The following GPC5 variants were observed in gnomAD, a reference collection of about 807,000 sequenced individuals.
GPC5 encodes glypican-5.
Under a neutral mutation model 53.9 loss-of-function variants are expected in GPC5, and 47 were observed. That is an observed-to-expected ratio of 0.87 (90% CI 0.69 to 1.11). GPC5 has a LOEUF of 1.11. Among genes scored for constraint, GPC5 ranks in the 50% most tolerant of loss-of-function variants. GPC5 has a pLI of 0.00. For missense variants in GPC5, 748 were observed against 713.1 expected (o/e 1.05, Z -0.56); for synonymous variants, 286 against 263.3 (o/e 1.09, Z -0.84).
intron 6 of GPC5, among the ~76,000 whole-genome samples, chr13:91,977,618 G>A (rs1411337717): frequency 1.3e-5 from 2 of 152,060 alleles, no homozygotes; most frequent in Admixed American, 1.3e-4. Flanking sequence ...GCAAAAAAGG[G>A]CATTCTAAAC....
At chr13:92,218,762 C>A (rs902149961) in intron 7 of GPC5, among the ~76,000 whole-genome samples, 10 of 152,132 alleles carry the variant, frequency 6.6e-5, no homozygotes, top group African/African-American at 2.2e-4. Flanking sequence ...TCACAGATAA[C>A]GGCTGAAGCC....
chr13:92,639,374 G>T (rs1026307928), intron 7 of GPC5, among the ~76,000 whole-genome samples: 1 of 152,016 alleles, frequency 6.6e-6, no homozygotes, highest in African/African-American at 2.4e-5. Context: ...TTTCCCACCT[G>T]TTCTGTACTT....
At chr13:91,684,811 C>T (rs913666447) in intron 2 of GPC5, among the ~76,000 whole-genome samples, 5 of 152,188 alleles carry the variant, frequency 3.3e-5, no homozygotes, top group African/African-American at 1.2e-4. Context: ...AAAATCTGAA[C>T]CCCTTACCAT....
chr13:91,941,376 C>T (rs1203608262), intron 6 of GPC5, among the ~76,000 whole-genome samples: 2 of 151,950 alleles, frequency 1.3e-5, no homozygotes, highest in African/African-American at 4.8e-5. Flanking sequence ...ATTAAGTATT[C>T]AATCCAGTCC....
At chr13:92,179,789 A>G (rs904586820) in intron 7 of GPC5, among the ~76,000 whole-genome samples, 2 of 152,206 alleles carry the variant, frequency 1.3e-5, no homozygotes, top group African/African-American at 4.8e-5. Context: ...GTTCTGGCAC[A>G]TGGGAAGATT....
chr13:92,171,473 G>A (rs759057019), intron 7 of GPC5, among the ~76,000 whole-genome samples: 2 of 151,986 alleles, frequency 1.3e-5, no homozygotes, highest in Non-Finnish European at 2.9e-5. Context: ...TGAAATAGTT[G>A]TATACATTCT....
intron 7 of GPC5, among the ~76,000 whole-genome samples, chr13:92,179,969 C>A (rs772804108): frequency 6.6e-6 from 1 of 152,178 alleles, no homozygotes; most frequent in Admixed American, 6.5e-5. Context: ...TTACTGTGGA[C>A]AAACAATGTA....
At chr13:92,734,079 T>A (rs985044759) in intron 7 of GPC5, among the ~76,000 whole-genome samples, 2 of 151,808 alleles carry the variant, frequency 1.3e-5, no homozygotes, top group African/African-American at 4.8e-5. Flanking sequence ...CTACTCAGAT[T>A]TTTCTTTGTG....
chr13:91,505,376 A>G (rs1594180894), intron 2 of GPC5, among the ~76,000 whole-genome samples: 1 of 152,236 alleles, frequency 6.6e-6, no homozygotes, highest in Non-Finnish European at 1.5e-5. Context: ...CAATTGAGAT[A>G]TTTAAATGTA....
chr13:91,933,256 G>T (rs1443169419), intron 6 of GPC5, among the ~76,000 whole-genome samples: 2 of 151,858 alleles, frequency 1.3e-5, no homozygotes, highest in African/African-American at 4.8e-5. Flanking sequence ...CTCAACATGT[G>T]TATCTTCTAC....
At position 91,620,693 on chromosome 13, in the gene GPC5, A is replaced by G. The variant is rs185616969; in HGVS notation, c.326-72494A>G. Among the ~76,000 whole-genome samples the G allele has an allele frequency of 6.7e-3, 1,014 of 152,204 alleles. 16 individuals carry two copies. Among genetic ancestry groups the G allele is most frequent in the Non-Finnish European group, 4.7e-3 (319 of 67,994 alleles). ...CTAGCTGCCAGGCTTGTAGATTTTCATCTTCCAGGACTTTTTGCTAGTGAG... is the reference window on the plus strand; with the variant it reads ...CTAGCTGCCAGGCTTGTAGATTTTCGTCTTCCAGGACTTTTTGCTAGTGAG... On this transcript the variant is annotated intron_variant, in intron 2 of 7. Coordinates refer to ENST00000377067, the MANE Select transcript of GPC5 (RefSeq NM_004466.6).
chr13:91,498,134 CCCACCCGCCG>C (rs1884387339), intron 2 of GPC5, among the ~76,000 whole-genome samples: 1 of 151,406 alleles, frequency 6.6e-6, no homozygotes, highest in African/African-American at 2.4e-5. Context: ...CTACCTCTAA[CCCACCCGCCG>C]CCACACACAC....
chr13:92,067,915 T>C (rs573007878), intron 6 of GPC5, among the ~76,000 whole-genome samples: 1 of 152,120 alleles, frequency 6.6e-6, no homozygotes, highest in Admixed American at 6.5e-5. Context: ...TGATGGGTCA[T>C]TTTAATTTTC....
intron 6 of GPC5, among the ~76,000 whole-genome samples, chr13:91,964,307 T>C (rs1443521005): frequency 6.6e-6 from 1 of 152,162 alleles, no homozygotes; most frequent in Non-Finnish European, 1.5e-5. Flanking sequence ...AGGTTGCTGG[T>C]GTGGGCTCCG....
chr13:92,832,115 T>C (rs922275282), intron 7 of GPC5, among the ~76,000 whole-genome samples: 3 of 152,094 alleles, frequency 2.0e-5, no homozygotes, highest in African/African-American at 4.8e-5. Flanking sequence ...ATTTAGACAA[T>C]GCTAAAATAA....
rs1287256800 is a variant in GPC5 at position 92,293,295 on chromosome 13, G to A, written c.1561+148306G>A. On this transcript the variant is annotated intron_variant, in intron 7 of 7. Transcript: ENST00000377067. ...CACAATATTGACTCTACCCATCCAT[G>A]AGCATAGGATGTGTTTCCATTTGTT... 1.3e-5 allele frequency among the ~76,000 whole-genome samples: 2 copies of A among 151,948 alleles called. 1 individual carries two copies. Among genetic ancestry groups the A allele is most frequent in the Non-Finnish European group, 2.9e-5 (2 of 67,996 alleles).
At chr13:92,096,956 A>T (rs1359995056) in intron 6 of GPC5, among the ~76,000 whole-genome samples, 1 of 152,228 alleles carries the variant, frequency 6.6e-6, no homozygotes, top group African/African-American at 2.4e-5. Flanking sequence ...GTGTTTGTAG[A>T]AACATGGATA....
intron 3 of GPC5, among the ~76,000 whole-genome samples, chr13:91,718,099 T>TTTGTTGTTGTTGTTG (rs200812685): frequency 3.6e-4 from 54 of 151,354 alleles, no homozygotes; most frequent in African/African-American, 1.1e-3. Context: ...TCCCCTAATC[T>TTTGTTGTTGTTGTTG]TTGTTGTTGT....
chr13:91,616,123 G>A (rs2033689429), intron 2 of GPC5, among the ~76,000 whole-genome samples: 2 of 152,016 alleles, frequency 1.3e-5, no homozygotes, highest in South Asian at 4.2e-4. Context: ...GTAGTAAGGG[G>A]GCTTATATTG....
Sources: gnomAD v4.1 joint callset for allele counts (sites outside exome capture counted in the v4.1 genomes callset) on GRCh38, gnomAD v4.1.1 for gene constraint, MANE v1.5 for transcripts, NCBI Gene and HGNC (gene_info 2026-07-23, HGNC 2026-07-21) for gene names.